MAGI2: variants seen among roughly 807,000 people sequenced by gnomAD.
The protein encoded by MAGI2 is membrane-associated guanylate kinase, WW and PDZ domain-containing protein 2.
MAGI2 carries 35 observed loss-of-function variants against 133.3 expected under a neutral mutation model. That is an observed-to-expected ratio of 0.26 (90% CI 0.20 to 0.35). The LOEUF (loss-of-function observed/expected upper bound fraction) is 0.35. Among genes scored for constraint, MAGI2 ranks in the 10% least tolerant of loss-of-function variants. The probability of loss-of-function intolerance (pLI) is 1.00; values close to 1 mark genes in which losing one functional copy is unlikely to be tolerated. For missense variants in MAGI2, 1,636 were observed against 1,863.4 expected (o/e 0.88, Z 2.25); for synonymous variants, 729 against 710.6 (o/e 1.03, Z -0.41).
intron 2 of MAGI2, among the ~76,000 whole-genome samples, chr7:78,699,457 G>A (rs981324315): frequency 6.6e-6 from 1 of 152,062 alleles, no homozygotes; most frequent in African/African-American, 2.4e-5. Context: ...TTACCTTCAG[G>A]CTATGTATGT....
chr7:78,198,747 C>T (rs1474492980), intron 11 of MAGI2, among the ~76,000 whole-genome samples: 1 of 152,190 alleles, frequency 6.6e-6, no homozygotes, highest in East Asian at 1.9e-4. Flanking sequence ...CCATGAAATG[C>T]TCTGTCCAGA....
At chr7:78,020,032 C>G in intron 21 of MAGI2, 56 bp from the exon 22 acceptor site, 3 of 1,450,974 alleles carry the variant, frequency 2.1e-6, no homozygotes, top group Non-Finnish European at 2.8e-6. Flanking sequence ...TCCCCGTGCC[C>G]TCTCTACGCC....
At chr7:79,056,137 A>C (rs568562335) in intron 1 of MAGI2, among the ~76,000 whole-genome samples, 1 of 152,186 alleles carries the variant, frequency 6.6e-6, no homozygotes, top group Non-Finnish European at 1.5e-5. Context: ...TATGGCCTGT[A>C]AACTCCAGCC....
chr7:78,882,080 C>CAAAAAAAAAAAAAAAAAAAAAAAAAAAA (rs1563618797), intron 2 of MAGI2, among the ~76,000 whole-genome samples: 2 of 15,004 alleles, frequency 1.3e-4, no homozygotes, highest in African/African-American at 3.2e-4. Flanking sequence ...ACAACAACAA[C>CAAAAAAAAAAAAAAAAAAAAAAAAAAAA]AACAACAAAA....
intron 7 of MAGI2, among the ~76,000 whole-genome samples, chr7:78,366,726 A>G (rs1793417907): frequency 6.6e-6 from 1 of 152,166 alleles, no homozygotes; most frequent in Non-Finnish European, 1.5e-5. Context: ...TTTCCAATAA[A>G]TATTGGGATA....
intron 21 of MAGI2, among the ~76,000 whole-genome samples, chr7:78,047,966 C>T (rs1250813480): frequency 6.6e-6 from 1 of 152,228 alleles, no homozygotes; most frequent in African/African-American, 2.4e-5. Context: ...AGAAAATGCA[C>T]TTTTCCCTCT....
At chr7:79,323,358 G>A (rs1314625201) in intron 1 of MAGI2, among the ~76,000 whole-genome samples, 1 of 152,152 alleles carries the variant, frequency 6.6e-6, no homozygotes, top group East Asian at 1.9e-4. Flanking sequence ...ATATCTAGGG[G>A]AAATAATTAA....
intron 1 of MAGI2, among the ~76,000 whole-genome samples, chr7:79,283,105 T>C (rs1007904726): frequency 6.6e-6 from 1 of 152,114 alleles, no homozygotes; most frequent in African/African-American, 2.4e-5. Context: ...TATAATCATA[T>C]GTGCTTTTGC....
intron 2 of MAGI2, among the ~76,000 whole-genome samples, chr7:78,890,978 T>G (rs1254669928): frequency 6.6e-6 from 1 of 151,970 alleles, no homozygotes; most frequent in Non-Finnish European, 1.5e-5. Context: ...GATAGACTGC[T>G]AGCAAGAATA....
At chr7:79,017,764 T>C (rs111574747) in intron 1 of MAGI2, among the ~76,000 whole-genome samples, 41 of 152,222 alleles carry the variant, frequency 2.7e-4, no homozygotes, top group African/African-American at 9.1e-4. Flanking sequence ...CTTAAAAACA[T>C]GGTAGAAGAA....
chr7:79,163,236 C>T (rs955086898), intron 1 of MAGI2, among the ~76,000 whole-genome samples: 9 of 152,062 alleles, frequency 5.9e-5, no homozygotes, highest in Admixed American at 5.9e-4. Flanking sequence ...AGTGCAGTGG[C>T]TCAATCTCAG....
rs560307949 is a variant in MAGI2, at chr7:79,213,004, A to G, written c.302-205798T>C. The stretch of plus-strand genomic sequence containing the variant: ...AATGGGAAGTGGTTATGCCCACACT[A>G]TTGTGAGGATTCTGTTACCTGGATT... On this transcript the variant is annotated intron_variant, in intron 1 of 21. Coordinates refer to ENST00000354212, the MANE Select transcript of MAGI2 (RefSeq NM_012301.4). Among the ~76,000 whole-genome samples, 7 of 151,964 alleles carry G rather than the reference A, an allele frequency of 4.6e-5. No individual in the cohort carries two copies. The East Asian group carries it at 9.7e-4, about 21-fold the overall frequency.
intron 1 of MAGI2, among the ~76,000 whole-genome samples, chr7:79,020,151 G>A (rs533433719): frequency 6.6e-6 from 1 of 152,264 alleles, no homozygotes; most frequent in Non-Finnish European, 1.5e-5. Context: ...GAATAAAGGT[G>A]ACTCTTGCTA....
In MAGI2 at chr7:79,387,006, C is replaced by A. The variant is rs570044542; in HGVS notation, c.301+66014G>T. On this transcript the variant is annotated intron_variant, in intron 1 of 21. Transcript: ENST00000354212. ...TTTTGTGGATATATATGTATACACA[C>A]ACACACGTTATATATAAATAGTGAA... Among the ~76,000 whole-genome samples, 13 of 110,944 alleles carry A rather than the reference C, an allele frequency of 1.2e-4. No individual in the cohort carries two copies. In the South Asian group the frequency reaches 3.5e-3, roughly 30 times the overall value. The allele number at this position is 110,944 out of a possible 152,430, so 72.8% of individuals were successfully genotyped here.
chr7:78,955,572 G>C (rs575736789), intron 2 of MAGI2, among the ~76,000 whole-genome samples: 5 of 151,704 alleles, frequency 3.3e-5, no homozygotes, highest in Non-Finnish European at 7.4e-5. Context: ...CACTTATGTG[G>C]GTAGTACATA....
intron 20 of MAGI2, among the ~76,000 whole-genome samples, chr7:78,097,606 A>G (rs1388736555): frequency 2.6e-5 from 4 of 152,162 alleles, no homozygotes; most frequent in Admixed American, 2.6e-4. Flanking sequence ...AGTGGGAGCT[A>G]AATGATAAGA....
chr7:78,322,943 GTTATC>G (rs1788163404), intron 9 of MAGI2, among the ~76,000 whole-genome samples: 1 of 151,084 alleles, frequency 6.6e-6, no homozygotes, highest in African/African-American at 2.4e-5. Context: ...ATGCTGCCTT[GTTATC>G]TTATAACTGA....
chr7:78,992,391 C>A (rs1396773247), intron 2 of MAGI2, among the ~76,000 whole-genome samples: 1 of 151,950 alleles, frequency 6.6e-6, no homozygotes, highest in Non-Finnish European at 1.5e-5. Context: ...CTGAATTAAA[C>A]TAAGTTACAA....
intron 14 of MAGI2, among the ~76,000 whole-genome samples, chr7:78,177,690 A>G (rs1288651126): frequency 6.6e-6 from 1 of 152,104 alleles, no homozygotes; most frequent in Non-Finnish European, 1.5e-5. Flanking sequence ...TGTTACCTCT[A>G]CTCATAAACT....
Sources: allele counts gnomAD v4.1 joint callset (sites outside exome capture counted in the v4.1 genomes callset), GRCh38; gene constraint gnomAD v4.1.1; transcripts MANE v1.5; gene names NCBI Gene and HGNC (gene_info 2026-07-23, HGNC 2026-07-21).